PCOLCE2: variants seen among roughly 807,000 people sequenced by gnomAD.
The protein encoded by PCOLCE2 is procollagen C-proteinase enhancer 2.
PCOLCE2 carries 42 observed loss-of-function variants against 47.0 expected under a neutral mutation model. That is an observed-to-expected ratio of 0.89 (90% CI 0.70 to 1.16). PCOLCE2 has a LOEUF of 1.16. PCOLCE2 is among the 50% of genes most tolerant of loss of function. PCOLCE2 has a pLI of 0.00. For synonymous variants in PCOLCE2, 169 were observed against 191.7 expected (o/e 0.88, Z 0.98); for missense variants, 500 against 526.1 (o/e 0.95, Z 0.49).
chr3:142,863,824 A>T (rs1201982261), intron 2 of PCOLCE2: 1 of 152,212 alleles, frequency 6.6e-6, no homozygotes, highest in Non-Finnish European at 1.5e-5. Context: ...AAAGCTTTTT[A>T]AAAAATGTAA....
rs199875891 is a variant in PCOLCE2, at chr3:142,858,735, A to G, written c.193-10263T>C. Among the ~76,000 whole-genome samples the G allele has an allele frequency of 4.0e-4, 56 of 140,476 alleles. No homozygotes were observed. The East Asian group carries it at 7.9e-3, about 20-fold the overall frequency. The allele number at this position is 140,476 out of a possible 152,430, so 92.2% of individuals were successfully genotyped here. ...TATACAGGATTTTGTGTGTGTGTGTATGTGTGTGTGTGTGTGTGTAAGAGA... is the reference window on the plus strand; with the variant it reads ...TATACAGGATTTTGTGTGTGTGTGTGTGTGTGTGTGTGTGTGTGTAAGAGA... On this transcript the variant is annotated intron_variant, in intron 2 of 8. Transcript: ENST00000295992.
chr3:142,874,017 C>T lies in PCOLCE2; in HGVS notation c.192+13652G>A, dbSNP rs182016107. ...GTGGGAGGTGACTGGATCATGGGGG[C>T]GGTTCCCCCATGCTGTTCTCATGAA... On this transcript the variant is annotated intron_variant, in intron 2 of 8. Transcript: ENST00000295992. Among the ~76,000 whole-genome samples, 867 of 152,184 alleles carry T rather than the reference C, an allele frequency of 5.7e-3. 3 individuals carry two copies. Among genetic ancestry groups the T allele is most frequent in the Non-Finnish European group, 8.8e-3 (595 of 67,998 alleles).
chr3:142,879,745 G>A (rs1050553175), intron 2 of PCOLCE2, among the ~76,000 whole-genome samples: 4 of 152,116 alleles, frequency 2.6e-5, no homozygotes, highest in East Asian at 1.9e-4. Flanking sequence ...CGAGGAGGGC[G>A]GATCACGAGG....
In PCOLCE2 at chr3:142,839,204, TA is replaced by T. The variant is rs1315918751; in HGVS notation, c.574-299del. Reference sequence around the variant, plus strand: ...GCTACAAAAGTATGGGAACATTATGTAACACTAGCAACCTACTTTAAGACTA... The same window carrying T: ...GCTACAAAAGTATGGGAACATTATGTACACTAGCAACCTACTTTAAGACTA... On this transcript the variant is annotated intron_variant, in intron 4 of 8. Transcript: ENST00000295992. Among the ~76,000 whole-genome samples the T allele has an allele frequency of 3.9e-5, 6 of 152,344 alleles. No homozygotes were observed. In the South Asian group the frequency reaches 8.3e-4, roughly 21 times the overall value.
chr3:142,851,023 A>G (rs567178902), intron 2 of PCOLCE2, among the ~76,000 whole-genome samples: 1 of 152,338 alleles, frequency 6.6e-6, no homozygotes, highest in East Asian at 1.9e-4. Context: ...GAGCAGGGAC[A>G]GTTTTGCCCA....
chr3:142,827,197 G>A (rs1180522912), intron 6 of PCOLCE2: 6 of 1,291,542 alleles, frequency 4.6e-6, no homozygotes, highest in Non-Finnish European at 5.6e-6. Flanking sequence ...TCTCTGAGAT[G>A]GCGGAGGGGA....
At chr3:142,856,732 T>C (rs954741860) in intron 2 of PCOLCE2, among the ~76,000 whole-genome samples, 1 of 152,198 alleles carries the variant, frequency 6.6e-6, no homozygotes, top group Non-Finnish European at 1.5e-5. Context: ...AGTATTCCTT[T>C]TCACAGACAT....
intron 3 of PCOLCE2, among the ~76,000 whole-genome samples, chr3:142,845,192 G>A (rs997790632): frequency 6.6e-6 from 1 of 152,036 alleles, no homozygotes; most frequent in Non-Finnish European, 1.5e-5. Flanking sequence ...TTGGCTTTTA[G>A]TGATAACTCC....
intron 6 of PCOLCE2, among the ~76,000 whole-genome samples, chr3:142,828,924 G>A (rs1016529257): frequency 3.9e-5 from 6 of 152,208 alleles, no homozygotes; most frequent in African/African-American, 9.7e-5. Flanking sequence ...ACCCAGAGGC[G>A]CCTGCCTGTA....
At chr3:142,847,161 TAATCTCTTTTCA>T (rs1467758853) in intron 3 of PCOLCE2, among the ~76,000 whole-genome samples, 2 of 152,266 alleles carry the variant, frequency 1.3e-5, no homozygotes, top group Non-Finnish European at 2.9e-5. Flanking sequence ...GCAGCAGCTG[TAATCTCTTTTCA>T]GTTCTTTCAT....
At chr3:142,820,287 C>T (rs1034516176) in intron 8 of PCOLCE2, among the ~76,000 whole-genome samples, 5 of 152,174 alleles carry the variant, frequency 3.3e-5, no homozygotes, top group Middle Eastern at 3.4e-3. Flanking sequence ...AAGGGTTTCA[C>T]TTTTAAACAT....
intron 2 of PCOLCE2, among the ~76,000 whole-genome samples, chr3:142,860,272 C>T (rs1486544423): frequency 1.3e-5 from 2 of 152,076 alleles, no homozygotes; most frequent in African/African-American, 4.8e-5. Flanking sequence ...TAAACTTCAC[C>T]TCTTTGCTTC....
chr3:142,872,129 C>T (rs922095104), intron 2 of PCOLCE2, among the ~76,000 whole-genome samples: 1 of 152,160 alleles, frequency 6.6e-6, no homozygotes, highest in Non-Finnish European at 1.5e-5. Flanking sequence ...GTCTCTTTCT[C>T]TGTGAGGTCA....
At chr3:142,835,060 T>C (rs553542113) in intron 5 of PCOLCE2, among the ~76,000 whole-genome samples, 2 of 152,262 alleles carry the variant, frequency 1.3e-5, no homozygotes, top group South Asian at 2.1e-4. Context: ...CTGGATGTAG[T>C]GTTCTCTATT....
intron 2 of PCOLCE2, among the ~76,000 whole-genome samples, chr3:142,880,858 T>C (rs1263651460): frequency 6.6e-6 from 1 of 152,214 alleles, no homozygotes; most frequent in Non-Finnish European, 1.5e-5. Context: ...TAACAACTTA[T>C]CCAGTCTTAG....
chr3:142,840,132 GT>G (rs1937250296), intron 4 of PCOLCE2, among the ~76,000 whole-genome samples: 1 of 152,198 alleles, frequency 6.6e-6, no homozygotes, highest in African/African-American at 2.4e-5. Flanking sequence ...CTTGAAGTAT[GT>G]TTGAAATGTG....
At chr3:142,860,739 C>T (rs890704150) in intron 2 of PCOLCE2, among the ~76,000 whole-genome samples, 2 of 152,218 alleles carry the variant, frequency 1.3e-5, no homozygotes, top group African/African-American at 4.8e-5. Flanking sequence ...GCTTAGTTTT[C>T]TATGTGCCTA....
intron 2 of PCOLCE2, among the ~76,000 whole-genome samples, chr3:142,884,193 T>C (rs553250043): frequency 3.9e-4 from 60 of 152,338 alleles, no homozygotes; most frequent in African/African-American, 1.4e-3. Flanking sequence ...GAAGAACCAC[T>C]GTAATAGAGG....
intron 6 of PCOLCE2, among the ~76,000 whole-genome samples, chr3:142,827,993 T>G (rs1660857710): frequency 6.6e-6 from 1 of 152,174 alleles, no homozygotes; most frequent in African/African-American, 2.4e-5. Context: ...CCAAGGCCTG[T>G]CACTGTTTCC....
Sources: allele counts gnomAD v4.1 joint callset (sites outside exome capture counted in the v4.1 genomes callset), GRCh38; gene constraint gnomAD v4.1.1; transcripts MANE v1.5; gene names NCBI Gene and HGNC (gene_info 2026-07-23, HGNC 2026-07-21).